Variants in PPP3CA observed in about 807,000 individuals in gnomAD.
The protein encoded by PPP3CA is CAM-PRP catalytic subunit.
Under a neutral mutation model 66.5 loss-of-function variants are expected in PPP3CA, and 14 were observed. The observed-to-expected ratio is 0.21, with a 90% CI of 0.14 to 0.33. The LOEUF (loss-of-function observed/expected upper bound fraction) is 0.33, where lower values mean the gene tolerates loss of function less well. Ranked by LOEUF, PPP3CA falls within the 10% of genes least tolerant of loss-of-function variation. The pLI is 1.00. For missense variants in PPP3CA, 317 were observed against 639.5 expected, an observed-to-expected ratio of 0.50 and a Z score of 5.44; for synonymous variants, 232 against 226.2, an observed-to-expected ratio of 1.03 and a Z score of -0.23.
At chr4:101,177,047 C>T (rs1165243739) in intron 2 of PPP3CA, among the ~76,000 whole-genome samples, 1 of 151,928 alleles carries the variant, frequency 6.6e-6, no homozygotes, top group Non-Finnish European at 1.5e-5. Flanking sequence ...ATTTTAAAGA[C>T]AAAAGAAACA....
rs1221676709 is a variant in PPP3CA, at chr4:101,332,145, A to T, written c.58+14594T>A. ...CATCACCAAGCATAGGAAACACAGG[A>T]GAACAGACATCCAACTGTATTTTCA... On this transcript the variant is annotated intron_variant, in intron 1 of 13. Coordinates refer to ENST00000394854, the MANE Select transcript of PPP3CA (RefSeq NM_000944.5). Among the ~76,000 whole-genome samples the T allele has an allele frequency of 2.6e-5, 4 of 152,314 alleles. No individual in the cohort carries two copies. In the South Asian group the frequency reaches 6.2e-4, roughly 24 times the overall value.
chr4:101,156,046 T>C (rs1723308586), intron 2 of PPP3CA, among the ~76,000 whole-genome samples: 1 of 152,174 alleles, frequency 6.6e-6, no homozygotes, highest in Non-Finnish European at 1.5e-5. Context: ...CTAGTAAAAG[T>C]CAGAGTGGGG....
chr4:101,238,181 T>G (rs1045678232), intron 1 of PPP3CA, among the ~76,000 whole-genome samples: 1 of 152,060 alleles, frequency 6.6e-6, no homozygotes, highest in African/African-American at 2.4e-5. Context: ...TTTCAAAGCA[T>G]AAGACAACAG....
chr4:101,136,075 T>C (rs1722611379), intron 2 of PPP3CA, among the ~76,000 whole-genome samples: 2 of 152,228 alleles, frequency 1.3e-5, no homozygotes, highest in Admixed American at 6.5e-5. Context: ...TTATAAGACA[T>C]ATGATTAGTT....
intron 1 of PPP3CA, among the ~76,000 whole-genome samples, chr4:101,289,647 A>C (rs1218640676): frequency 6.6e-6 from 1 of 152,210 alleles, no homozygotes; most frequent in Non-Finnish European, 1.5e-5. Context: ...TCTTATGTAT[A>C]AACATATATA....
intron 2 of PPP3CA, among the ~76,000 whole-genome samples, chr4:101,126,538 T>C (rs1245557043): frequency 5.9e-5 from 9 of 152,204 alleles, no homozygotes; most frequent in Non-Finnish European, 1.3e-4. Context: ...CATAATCCTG[T>C]ATTTAGGAAA....
At chr4:101,035,948 A>T (rs559688843) in intron 11 of PPP3CA, among the ~76,000 whole-genome samples, 3 of 152,030 alleles carry the variant, frequency 2.0e-5, no homozygotes, top group Non-Finnish European at 4.4e-5. Flanking sequence ...TCCTAGGCTG[A>T]TCTTTTTCTT....
intron 6 of PPP3CA, among the ~76,000 whole-genome samples, chr4:101,092,968 A>G (rs1359073290): frequency 6.6e-6 from 1 of 152,206 alleles, no homozygotes; most frequent in African/African-American, 2.4e-5. Context: ...TTGGGTATAT[A>G]CCCAGTAATG....
intron 2 of PPP3CA, among the ~76,000 whole-genome samples, chr4:101,160,329 T>G (rs1171096510): frequency 6.6e-6 from 1 of 152,148 alleles, no homozygotes; most frequent in Non-Finnish European, 1.5e-5. Flanking sequence ...TTGGCTCACT[T>G]TAGGGAAATA....
chr4:101,210,675 G>A (rs1725273290), intron 1 of PPP3CA, among the ~76,000 whole-genome samples: 1 of 151,940 alleles, frequency 6.6e-6, no homozygotes, highest in African/African-American at 2.4e-5. Context: ...CCACAACCTT[G>A]GTACTAAATA....
At chr4:101,294,530 T>C (rs1344447127) in intron 1 of PPP3CA, among the ~76,000 whole-genome samples, 1 of 59,990 alleles carries the variant, frequency 1.7e-5, no homozygotes, top group African/African-American at 1.0e-4. Flanking sequence ...TACATGTACC[T>C]AATTTAATCA....
At chr4:101,250,042 A>G (rs1726623882) in intron 1 of PPP3CA, among the ~76,000 whole-genome samples, 1 of 152,184 alleles carries the variant, frequency 6.6e-6, no homozygotes, top group African/African-American at 2.4e-5. Flanking sequence ...TATGATGGTA[A>G]TAGTTTATTC....
rs571114532 is a variant in PPP3CA at position 101,243,948 on chromosome 4, G to A, written c.59-47832C>T. ...TGAAAGAATAAAAGTGAATTCAAAC[G>A]AAGCCAGAAAAGTTTTGATTTATAA... On this transcript the variant is annotated intron_variant, in intron 1 of 13. Coordinates refer to ENST00000394854, the MANE Select transcript of PPP3CA (RefSeq NM_000944.5). Among the ~76,000 whole-genome samples, 85 of 152,220 alleles carry A rather than the reference G, an allele frequency of 5.6e-4. No individual in the cohort carries two copies. In the South Asian group the frequency reaches 0.014, roughly 25 times the overall value.
At chr4:101,026,586 C>T (rs779170488) in intron 13 of PPP3CA, among the ~76,000 whole-genome samples, 21 of 152,030 alleles carry the variant, frequency 1.4e-4, no homozygotes, top group African/African-American at 4.6e-4. Context: ...AGGAATTAAC[C>T]GGGGCATTTC....
chr4:101,318,867 T>G (rs184560909), intron 1 of PPP3CA, among the ~76,000 whole-genome samples: 339 of 152,200 alleles, frequency 2.2e-3, no homozygotes, highest in Admixed American at 3.7e-3. Flanking sequence ...CCACTCATAT[T>G]TAACTTTGCA....
chr4:101,251,983 A>G (rs1375406515), intron 1 of PPP3CA, among the ~76,000 whole-genome samples: 1 of 152,162 alleles, frequency 6.6e-6, no homozygotes, highest in Non-Finnish European at 1.5e-5. Context: ...CCCCTGCAAG[A>G]GAGGATTTGT....
At chr4:101,269,882 C>T (rs1248905029) in intron 1 of PPP3CA, among the ~76,000 whole-genome samples, 1 of 152,040 alleles carries the variant, frequency 6.6e-6, no homozygotes, top group Non-Finnish European at 1.5e-5. Flanking sequence ...CTATAAGCTG[C>T]TCATTGGTTT....
At chr4:101,234,389 G>A (rs2110227071) in intron 1 of PPP3CA, among the ~76,000 whole-genome samples, 1 of 151,834 alleles carries the variant, frequency 6.6e-6, no homozygotes, top group African/African-American at 2.4e-5. Flanking sequence ...AACTTCACCA[G>A]CATCTGTCAT....
chr4:101,319,605 T>C (rs896354666), intron 1 of PPP3CA, among the ~76,000 whole-genome samples: 3 of 152,108 alleles, frequency 2.0e-5, no homozygotes, highest in Non-Finnish European at 2.9e-5. Flanking sequence ...ACTTCCATAA[T>C]AGCAGTTCAT....
Sources: gnomAD v4.1 joint callset for allele counts (sites outside exome capture counted in the v4.1 genomes callset) on GRCh38, gnomAD v4.1.1 for gene constraint, MANE v1.5 for transcripts, NCBI Gene and HGNC (gene_info 2026-07-23, HGNC 2026-07-21) for gene names.